TBL1XR1: variants seen among roughly 807,000 people sequenced by gnomAD.
TBL1XR1 encodes the protein TBL1X/Y related 1, also known as F-box-like/WD repeat-containing protein TBL1XR1.
In TBL1XR1, 5 loss-of-function variants were observed where a neutral mutation model predicts 66.9. The observed-to-expected ratio is 0.07, with a 90% CI of 0.04 to 0.16. The LOEUF (loss-of-function observed/expected upper bound fraction) is 0.16, where lower values mean the gene tolerates loss of function less well. TBL1XR1 is among the 10% of genes least tolerant of loss of function. The pLI is 1.00. For synonymous variants in TBL1XR1, 210 were observed against 206.0 expected (o/e 1.02, Z -0.17); for missense variants, 238 against 623.2 (o/e 0.38, Z 6.58).
At chr3:177,049,255 T>C (rs1253209624) in intron 7 of TBL1XR1, among the ~76,000 whole-genome samples, 1 of 152,172 alleles carries the variant, frequency 6.6e-6, no homozygotes, top group African/African-American at 2.4e-5. Context: ...GAACATTCAT[T>C]TGCTGAGCAA....
chr3:177,124,350 T>C (rs2108765587), intron 1 of TBL1XR1, among the ~76,000 whole-genome samples: 1 of 152,214 alleles, frequency 6.6e-6, no homozygotes, highest in African/African-American at 2.4e-5. Context: ...CAACCTTTGT[T>C]TTCAATGCAG....
chr3:177,025,288 TTGG>T lies in TBL1XR1; in HGVS notation c.*207_*209del. On this transcript the variant is annotated 3_prime_UTR_variant, in exon 16 of 16. Coordinates refer to ENST00000457928, the MANE Select transcript of TBL1XR1 (RefSeq NM_024665.7). ...GGCACAGCAGATTAGATTCCAGCACTTGGTGAACAGAATTCACAAGCTGTGACA... is the reference window on the plus strand; with the variant it reads ...GGCACAGCAGATTAGATTCCAGCACTTGAACAGAATTCACAAGCTGTGACA... 2.2e-6 allele frequency: 1 copy of T among 457,918 alleles called. No individual in the cohort carries two copies. Among genetic ancestry groups the T allele is most frequent in the Admixed American group, 4.1e-5 (1 of 24,406 alleles). 28.4% of individuals were successfully genotyped at this position (457,918 alleles called of 1,614,324 possible).
chr3:177,037,302 T>A (rs547607854), intron 12 of TBL1XR1: 1 of 152,374 alleles, frequency 6.6e-6, no homozygotes, highest in African/African-American at 2.4e-5. Flanking sequence ...CCTCAACATA[T>A]GACTTTCTAA....
chr3:177,134,376 G>C (rs1185520275), intron 1 of TBL1XR1, among the ~76,000 whole-genome samples: 1 of 152,150 alleles, frequency 6.6e-6, no homozygotes. Flanking sequence ...TGGGAGCAGA[G>C]AGAAAGAGAG....
intron 2 of TBL1XR1, among the ~76,000 whole-genome samples, chr3:177,082,727 TAAGA>T (rs1203926431): frequency 1.5e-5 from 2 of 133,906 alleles, no homozygotes; most frequent in African/African-American, 5.7e-5. Context: ...ACTAAATTTC[TAAGA>T]TAGAGATTAT....
chr3:177,144,731 C>T (rs534270064), intron 1 of TBL1XR1, among the ~76,000 whole-genome samples: 1 of 150,586 alleles, frequency 6.6e-6, no homozygotes, highest in Non-Finnish European at 1.5e-5. Flanking sequence ...CCAGCCTGGG[C>T]GACAGAGGGA....
intron 1 of TBL1XR1, among the ~76,000 whole-genome samples, chr3:177,186,022 T>A (rs1474341683): frequency 2.6e-5 from 4 of 151,748 alleles, no homozygotes; most frequent in Admixed American, 2.6e-4. Flanking sequence ...AATAAATAAA[T>A]AAATAAATAT....
chr3:177,085,882 T>C (rs879514733), intron 2 of TBL1XR1, among the ~76,000 whole-genome samples: 2 of 152,166 alleles, frequency 1.3e-5, no homozygotes, highest in African/African-American at 2.4e-5. Flanking sequence ...ACACAATCTG[T>C]GTTACACAAA....
At chr3:177,179,307 A>G (rs1427222200) in intron 1 of TBL1XR1, among the ~76,000 whole-genome samples, 1 of 152,098 alleles carries the variant, frequency 6.6e-6, no homozygotes, top group Non-Finnish European at 1.5e-5. Flanking sequence ...GACTATTGTT[A>G]CCTGATGCAA....
At chr3:177,059,192 A>T (rs1262041649) in intron 3 of TBL1XR1, among the ~76,000 whole-genome samples, 1 of 152,242 alleles carries the variant, frequency 6.6e-6, no homozygotes, top group Non-Finnish European at 1.5e-5. Context: ...TAACCACTTC[A>T]ACCTGACTCC....
intron 2 of TBL1XR1, among the ~76,000 whole-genome samples, chr3:177,077,473 TA>T (rs1720831669): frequency 1.3e-5 from 2 of 152,012 alleles, no homozygotes; most frequent in Admixed American, 1.3e-4. Context: ...AATGAAGCTT[TA>T]AAAATCTACA....
At chr3:177,162,666 A>C (rs1261469411) in intron 1 of TBL1XR1, among the ~76,000 whole-genome samples, 1 of 152,224 alleles carries the variant, frequency 6.6e-6, no homozygotes, top group Non-Finnish European at 1.5e-5. Flanking sequence ...ATTGAAAGTA[A>C]ATCATACCTC....
At chr3:177,133,503 A>T (rs1728548515) in intron 1 of TBL1XR1, among the ~76,000 whole-genome samples, 1 of 152,308 alleles carries the variant, frequency 6.6e-6, no homozygotes, top group East Asian at 1.9e-4. Context: ...AGTCATACAT[A>T]TCTTCTCTCT....
chr3:177,172,706 AGAG>A (rs1733708384), intron 1 of TBL1XR1, among the ~76,000 whole-genome samples: 1 of 149,180 alleles, frequency 6.7e-6, no homozygotes, highest in Admixed American at 6.7e-5. Context: ...AGGAGAGGGA[AGAG>A]AAGAGCCAAG....
rs1712937652 is a variant in TBL1XR1 at position 177,025,206 on chromosome 3, T to C, written c.*292A>G. The C allele has an allele frequency of 5.4e-6, 2 of 367,426 alleles. No homozygotes were observed. The highest frequency in any genetic ancestry group is 9.0e-5 in the Admixed American group (2 of 22,102). 22.8% of individuals were successfully genotyped at this position (367,426 alleles called of 1,614,324 possible). On this transcript the variant is annotated 3_prime_UTR_variant, in exon 16 of 16. Coordinates refer to ENST00000457928, the MANE Select transcript of TBL1XR1 (RefSeq NM_024665.7). ...GTACATGTATGTTCTGCTTTTATAA[T>C]GTATATTTTTCTCTCTTCTGTTTTT...
At chr3:177,074,906 C>T (rs1720496753) in intron 2 of TBL1XR1, among the ~76,000 whole-genome samples, 1 of 152,142 alleles carries the variant, frequency 6.6e-6, no homozygotes, top group Non-Finnish European at 1.5e-5. Flanking sequence ...ACACCATGCA[C>T]AACACGGTTT....
intron 12 of TBL1XR1, among the ~76,000 whole-genome samples, chr3:177,034,879 G>C (rs1413974443): frequency 4.0e-5 from 6 of 151,686 alleles, no homozygotes; most frequent in Admixed American, 3.3e-4. Flanking sequence ...TGTGTGTATA[G>C]ATTTCAAGTG....
chr3:177,178,189 G>A (rs972733648), intron 1 of TBL1XR1, among the ~76,000 whole-genome samples: 1 of 152,186 alleles, frequency 6.6e-6, no homozygotes, highest in Non-Finnish European at 1.5e-5. Context: ...GTGGCCAGGG[G>A]CCAGATCGCA....
At chr3:177,198,730 A>T (rs1424506856), upstream of TBL1XR1, among the ~76,000 whole-genome samples, 1 of 152,220 alleles carries the variant, frequency 6.6e-6, no homozygotes, top group Non-Finnish European at 1.5e-5. Context: ...CCTTCAAAGC[A>T]AAATAATGTT....
Sources: allele counts gnomAD v4.1 joint callset (sites outside exome capture counted in the v4.1 genomes callset), GRCh38; gene constraint gnomAD v4.1.1; transcripts MANE v1.5; gene names NCBI Gene and HGNC (gene_info 2026-07-23, HGNC 2026-07-21).